TUB: variants seen among roughly 807,000 people sequenced by gnomAD.
TUB encodes TUB bipartite transcription factor.
In TUB, 33 loss-of-function variants were observed where a neutral mutation model predicts 59.7. The ratio of observed to expected loss-of-function variants is 0.55; its 90% CI spans 0.42 to 0.74. TUB has a LOEUF of 0.74. Ranked by LOEUF, TUB falls within the 30% of genes least tolerant of loss-of-function variation. The probability of loss-of-function intolerance (pLI) is 0.00; values close to 1 mark genes in which losing one functional copy is unlikely to be tolerated. For synonymous variants in TUB, 293 were observed against 256.4 expected (o/e 1.14, Z -1.36); for missense variants, 659 against 672.0 (o/e 0.98, Z 0.21).
chr11:8,021,421 G>C (rs1014235094), intron 1 of TUB, among the ~76,000 whole-genome samples: 3 of 152,060 alleles, frequency 2.0e-5, no homozygotes, highest in Admixed American at 6.5e-5. Context: ...AGTGAGCCGA[G>C]ATTGTGTCAC....
chr11:8,043,716 T>G (rs1424246149), intron 2 of TUB, among the ~76,000 whole-genome samples: 1 of 152,204 alleles, frequency 6.6e-6, no homozygotes, highest in Non-Finnish European at 1.5e-5. Flanking sequence ...TTAATGCAAG[T>G]GTATAGAACT....
upstream of TUB, among the ~76,000 whole-genome samples, chr11:8,078,557 AT>A (rs1240838483): frequency 6.6e-6 from 1 of 152,170 alleles, no homozygotes; most frequent in Non-Finnish European, 1.5e-5. Context: ...CACGGAAGTC[AT>A]TTGAGTGGAA....
intron 1 of TUB, among the ~76,000 whole-genome samples, chr11:8,025,489 C>T (rs1202076024): frequency 1.3e-5 from 2 of 152,164 alleles, no homozygotes; most frequent in Non-Finnish European, 2.9e-5. Context: ...TATTGCTCTT[C>T]TCCCAACTCC....
intron 2 of TUB, among the ~76,000 whole-genome samples, chr11:8,053,703 G>A (rs989641229): frequency 1.3e-5 from 2 of 150,746 alleles, no homozygotes; most frequent in Non-Finnish European, 1.5e-5. Context: ...GGGTTTCACC[G>A]TGTTAGCCAG....
chr11:8,036,913 A>G (rs865919931), upstream of TUB, among the ~76,000 whole-genome samples: 3 of 152,288 alleles, frequency 2.0e-5, no homozygotes, highest in Non-Finnish European at 1.5e-5. Flanking sequence ...TTCCTGGTCC[A>G]CTTTCCTTGG....
rs770149144 is a variant in TUB at position 8,095,671 on chromosome 11, C to T, written c.565+6C>T. 7 of 1,584,692 alleles carry T rather than the reference C, an allele frequency of 4.4e-6. No individual in the cohort carries two copies. The South Asian group carries it at 6.9e-5, about 16-fold the overall frequency. On this transcript the variant is annotated splice_donor_region_variant and intron_variant, in intron 5 of 11. Coordinates refer to ENST00000299506, the MANE Select transcript of TUB (RefSeq NM_177972.3). ...TGCCACGATGCAGAGGAAGGGTGAGCCCCATGGGGACCCAGTGATACCCCC... is the reference window on the plus strand; with the variant it reads ...TGCCACGATGCAGAGGAAGGGTGAGTCCCATGGGGACCCAGTGATACCCCC...
chr11:8,096,800 C>T lies in TUB; in HGVS notation c.681C>T (p.Ser227=), dbSNP rs1190649093. The change falls in exon 6 of 12, where the codon TCC becomes TCT. Residue 227 remains serine (S), a synonymous_variant. Transcript: ENST00000299506. ...TRPSSATSRK[S]VREAASAPSP... ...CCAGCTCTGCTACTAGCAGGAAGTCCGTCAGGGTGAGTGAGTGAGTCTGCA... is the reference window on the plus strand; with the variant it reads ...CCAGCTCTGCTACTAGCAGGAAGTCTGTCAGGGTGAGTGAGTGAGTCTGCA... The T allele has an allele frequency of 5.6e-6, 9 of 1,614,002 alleles. No individual in the cohort carries two copies. The highest frequency in any genetic ancestry group is 5.3e-5 in the African/African-American group (4 of 74,928).
intron 2 of TUB, chr11:8,062,355 G>A (rs537848412): frequency 6.5e-6 from 1 of 152,788 alleles, no homozygotes; most frequent in Non-Finnish European, 1.5e-5. Context: ...CAGAAAGCTT[G>A]GGAGGTTGCA....
At position 8,050,505 on chromosome 11, in the gene TUB, G is replaced by C. The variant is rs551018345; in HGVS notation, c.203+10813G>C. Among the ~76,000 whole-genome samples, 64 of 152,270 alleles carry C rather than the reference G, an allele frequency of 4.2e-4. No homozygotes were observed. In the South Asian group the frequency reaches 0.013, roughly 31 times the overall value. On this transcript the variant is annotated intron_variant, in intron 2 of 12. Transcript: ENST00000305253. The stretch of plus-strand genomic sequence containing the variant: ...TCTTTTCTGTCTTTTTATTTTAGCT[G>C]TTCTGGTGAGTGTGTTGCATGTGGT...
chr11:8,064,226 G>C (rs964688273), intron 2 of TUB, among the ~76,000 whole-genome samples: 3 of 152,170 alleles, frequency 2.0e-5, no homozygotes, highest in Admixed American at 6.5e-5. Context: ...AGAAGACTGA[G>C]ATGAAGGGGA....
At chr11:8,037,861 C>T (rs1173930086), upstream of TUB, among the ~76,000 whole-genome samples, 1 of 152,126 alleles carries the variant, frequency 6.6e-6, no homozygotes, top group Non-Finnish European at 1.5e-5. Flanking sequence ...ACTCTGGTGT[C>T]AGTTGCAGGA....
chr11:8,053,912 G>A (rs576299826), intron 2 of TUB, among the ~76,000 whole-genome samples: 46 of 149,834 alleles, frequency 3.1e-4, no homozygotes, highest in African/African-American at 9.3e-4. Flanking sequence ...TCAGGAGATC[G>A]AGACCATCCT....
In TUB at chr11:8,045,334, A is replaced by G. The variant is rs184573420; in HGVS notation, c.203+5642A>G. Among the ~76,000 whole-genome samples the G allele has an allele frequency of 3.1e-3, 470 of 152,262 alleles. 3 individuals are homozygous for G. Among genetic ancestry groups the G allele is most frequent in the African/African-American group, 0.011 (451 of 41,542 alleles). On this transcript the variant is annotated intron_variant, in intron 2 of 12. Transcript: ENST00000305253. ...AGAACTGGGGACAAAGACCAAATAT[A>G]TATTTCTTCTTGTGTGCACTGGTGA... is the stretch of plus-strand genomic sequence containing the variant.
chr11:8,022,303 T>C (rs1942440662), intron 1 of TUB, among the ~76,000 whole-genome samples: 1 of 152,194 alleles, frequency 6.6e-6, no homozygotes, highest in Non-Finnish European at 1.5e-5. Context: ...AACACATACA[T>C]TGGGTACATA....
intron 2 of TUB, among the ~76,000 whole-genome samples, chr11:8,065,943 C>T (rs1270445297): frequency 5.3e-5 from 8 of 152,190 alleles, no homozygotes; most frequent in Admixed American, 5.2e-4. Context: ...GTTGCAGACA[C>T]TCCTCTTGCC....
chr11:8,039,074 C>A, intron 1 of TUB: 1 of 1,596,428 alleles, frequency 6.3e-7, no homozygotes, highest in Non-Finnish European at 8.5e-7. Context: ...CCAACCATTG[C>A]GTCAGCTCCA....
At chr11:8,028,392 C>T (rs1942529218) in intron 1 of TUB, among the ~76,000 whole-genome samples, 1 of 152,146 alleles carries the variant, frequency 6.6e-6, no homozygotes, top group South Asian at 2.1e-4. Flanking sequence ...TTGTTGTCTT[C>T]TCACTTTCTT....
In TUB at chr11:8,081,284, G is replaced by A. The variant is rs1436544794; in HGVS notation, c.-227G>A. The A allele has an allele frequency of 3.7e-6, 3 of 804,782 alleles. No individual in the cohort carries two copies. The highest frequency in any genetic ancestry group is 2.5e-4 in the East Asian group (2 of 8,022). The allele number at this position is 804,782 out of a possible 1,614,324, so 49.9% of individuals were successfully genotyped here. ...CCGCCTCCACGCGCGCGCACGACCC[G>A]CGCACTCCCGGAGCTTCGCCCATCT... On this transcript the variant is annotated 5_prime_UTR_variant, in exon 1 of 12. Transcript: ENST00000299506.
intron 2 of TUB, among the ~76,000 whole-genome samples, chr11:8,073,625 C>A (rs1036977082): frequency 1.6e-4 from 24 of 152,334 alleles, no homozygotes; most frequent in African/African-American, 5.1e-4. Flanking sequence ...ACCTTAATTC[C>A]TTGTTGCCTA....
Sources: allele counts gnomAD v4.1 joint callset (sites outside exome capture counted in the v4.1 genomes callset), GRCh38; gene constraint gnomAD v4.1.1; transcripts MANE v1.5; gene names NCBI Gene and HGNC (gene_info 2026-07-23, HGNC 2026-07-21).